The following LPP variants were observed in gnomAD, a reference collection of about 807,000 sequenced individuals.
The protein encoded by LPP is lipoma-preferred partner.
A neutral mutation model predicts 60.4 loss-of-function variants in LPP; 38 were observed. The observed-to-expected ratio is 0.63, with a 90% CI of 0.49 to 0.83. The LOEUF is 0.83. Ranked by LOEUF, LPP falls within the 40% of genes least tolerant of loss-of-function variation. The pLI is 0.00. For missense variants in LPP, 902 were observed against 783.6 expected (o/e 1.15, Z -1.80); for synonymous variants, 328 against 290.8 (o/e 1.13, Z -1.30).
chr3:188,315,304 G>A (rs1382710078), intron 2 of LPP, among the ~76,000 whole-genome samples: 1 of 152,016 alleles, frequency 6.6e-6, no homozygotes, highest in Non-Finnish European at 1.5e-5. Context: ...TCTGGCTAAA[G>A]CATCAGAGTT....
Position 188,718,338 on chromosome 3 carries a change from G to A in LPP, c.1240+9945G>A, listed in dbSNP as rs146036097. 6.4e-3 allele frequency among the ~76,000 whole-genome samples: 970 copies of A among 152,296 alleles called. 5 individuals are homozygous for A. The highest frequency in any genetic ancestry group is 0.024 in the Middle Eastern group (7 of 294). ...TCCGATGGCATGAAGAGGAATGGCA[G>A]GGCTGTTTACAAAGGTGCAGACATA... On this transcript the variant is annotated intron_variant, in intron 8 of 11. Coordinates refer to ENST00000617246, the MANE Select transcript of LPP (RefSeq NM_001375462.1).
At position 188,682,310 on chromosome 3, in the gene LPP, C is replaced by A. The variant is rs541569069; in HGVS notation, c.1114-25957C>A. Reference sequence around the variant, plus strand: ...CATATGCAAGAAATTACTGACTTTTCAATCCAATGGTAACACAGATTGTGT... The same window carrying A: ...CATATGCAAGAAATTACTGACTTTTAAATCCAATGGTAACACAGATTGTGT... On this transcript the variant is annotated intron_variant, in intron 7 of 11. Transcript: ENST00000617246. 3.9e-5 allele frequency among the ~76,000 whole-genome samples: 6 copies of A among 152,334 alleles called. No individual in the cohort carries two copies. In the South Asian group the frequency reaches 1.2e-3, roughly 32 times the overall value.
At position 188,875,304 on chromosome 3, in the gene LPP, A is replaced by G. The variant is rs1231719986; in HGVS notation, c.*825A>G. On this transcript the variant is annotated 3_prime_UTR_variant, in exon 12 of 12. Coordinates refer to ENST00000617246, the MANE Select transcript of LPP (RefSeq NM_001375462.1). ...TTTTTCTTTTCCGCACTACCTGAAC[A>G]TTGTAATACAGACAAACTTGATTTC... is the stretch of plus-strand genomic sequence containing the variant. The G allele has an allele frequency of 1.8e-5, 4 of 218,716 alleles. No homozygotes were observed. Among genetic ancestry groups the G allele is most frequent in the African/African-American group, 9.0e-5 (4 of 44,534 alleles). 13.5% of individuals were successfully genotyped at this position (218,716 alleles called of 1,614,324 possible).
intron 2 of LPP, among the ~76,000 whole-genome samples, chr3:188,258,002 A>G (rs1732233602): frequency 6.6e-6 from 1 of 152,222 alleles, no homozygotes; most frequent in South Asian, 2.1e-4. Context: ...GTGATAAGTA[A>G]AACCAGCGCT....
In LPP at chr3:188,736,673, A is replaced by T. The variant is rs190016925; in HGVS notation, c.1241-23440A>T. On this transcript the variant is annotated intron_variant, in intron 8 of 11. Transcript: ENST00000617246. ...GGATGGATGGATGGATAAATATCAG[A>T]TGGATGGATGGATGGATGGATGGAT... Among the ~76,000 whole-genome samples the T allele has an allele frequency of 1.0e-3, 153 of 151,816 alleles. 1 individual carries two copies. The highest frequency in any genetic ancestry group is 3.6e-3 in the African/African-American group (151 of 41,474).
chr3:188,314,382 A>G (rs1486905634), intron 2 of LPP, among the ~76,000 whole-genome samples: 2 of 152,128 alleles, frequency 1.3e-5, no homozygotes, highest in Non-Finnish European at 2.9e-5. Flanking sequence ...TATATTCTAA[A>G]AAAATTTTAT....
chr3:188,282,723 C>T (rs1742537606), intron 2 of LPP, among the ~76,000 whole-genome samples: 2 of 152,200 alleles, frequency 1.3e-5, no homozygotes, highest in East Asian at 1.9e-4. Flanking sequence ...CTCTGCCAGG[C>T]AGCATCCTTC....
intron 9 of LPP, among the ~76,000 whole-genome samples, chr3:188,780,160 G>A (rs576131012): frequency 6.6e-6 from 1 of 152,186 alleles, no homozygotes; most frequent in Admixed American, 6.5e-5. Flanking sequence ...AGAAGGGAGA[G>A]TTCCGACGAG....
chr3:188,783,256 A>C (rs1740401453), intron 9 of LPP, among the ~76,000 whole-genome samples: 1 of 152,148 alleles, frequency 6.6e-6, no homozygotes, highest in Non-Finnish European at 1.5e-5. Flanking sequence ...TGGATATTAG[A>C]AATGCTGTCT....
Position 188,882,445 on chromosome 3 carries a change from C to T in LPP, c.*7966C>T. 1 of 226,990 alleles carries T rather than the reference C, an allele frequency of 4.4e-6. No homozygotes were observed. Among genetic ancestry groups the T allele is most frequent in the African/African-American group, 2.2e-5 (1 of 45,122 alleles). The allele number at this position is 226,990 out of a possible 1,614,324, so 14.1% of individuals were successfully genotyped here. On this transcript the variant is annotated 3_prime_UTR_variant, in exon 12 of 12. Coordinates refer to ENST00000617246, the MANE Select transcript of LPP (RefSeq NM_001375462.1). Reference sequence around the variant, plus strand: ...GGAAGTATTTACTTGCTTTTCCCATCTCTTTATAATTGGAAGAGAAGATGA... The same window carrying T: ...GGAAGTATTTACTTGCTTTTCCCATTTCTTTATAATTGGAAGAGAAGATGA...
At chr3:188,737,958 T>C (rs1723095791) in intron 8 of LPP, among the ~76,000 whole-genome samples, 2 of 152,214 alleles carry the variant, frequency 1.3e-5, no homozygotes, top group South Asian at 4.1e-4. Flanking sequence ...CAACATGCTA[T>C]CATATGCTTT....
intron 2 of LPP, among the ~76,000 whole-genome samples, chr3:188,294,354 A>G (rs1747125418): frequency 6.6e-6 from 1 of 152,230 alleles, no homozygotes; most frequent in South Asian, 2.1e-4. Context: ...TATCTCAATA[A>G]ACCTGTTTTA....
intron 1 of LPP, chr3:188,213,168 A>C (rs551041041): frequency 6.6e-6 from 1 of 152,174 alleles, no homozygotes; most frequent in East Asian, 1.9e-4. Context: ...ATGTCTGTGG[A>C]CATGTAGGGA....
At position 188,361,712 on chromosome 3, in the gene LPP, G is replaced by A. The variant is rs936951573; in HGVS notation, c.-10+19993G>A. ...CTCCCAAGTAGCTGGGATTACAGGC[G>A]CCCTGCCACCACACCAGGATAATTT... On this transcript the variant is annotated intron_variant, in intron 3 of 11. Coordinates refer to ENST00000617246, the MANE Select transcript of LPP (RefSeq NM_001375462.1). Among the ~76,000 whole-genome samples the A allele has an allele frequency of 5.3e-5, 8 of 151,934 alleles. 1 individual carries two copies. The South Asian group carries it at 1.2e-3, about 24-fold the overall frequency.
chr3:188,160,003 C>A (rs1176340698), intron 1 of LPP, among the ~76,000 whole-genome samples: 2 of 152,312 alleles, frequency 1.3e-5, no homozygotes, highest in East Asian at 3.9e-4. Flanking sequence ...ACCTCCACCC[C>A]CTGGGTTCAA....
intron 9 of LPP, among the ~76,000 whole-genome samples, chr3:188,808,383 C>T (rs1232641423): frequency 6.6e-6 from 1 of 152,096 alleles, no homozygotes; most frequent in African/African-American, 2.4e-5. Flanking sequence ...TTTAGAGAGG[C>T]AGTGTGGCTG....
Position 188,609,442 on chromosome 3 carries a change from C to G in LPP, c.711C>G (p.Ala237=), listed in dbSNP as rs536302829. ...AGCCCAGCCCTCATTATATGGCTGC[C>G]CCTTCATCAGGACAAATTTATGGCT... The part of the protein sequence containing the change: ...SAQPSPHYMA[A]PSSGQIYGSG... The change falls in exon 7 of 12, where the codon GCC becomes GCG. Residue 237 remains alanine (A), a synonymous_variant. Transcript: ENST00000617246. The surrounding 1 kb of genome is among the most constrained non-coding windows in gnomAD (Gnocchi z 6.9). 1 of 1,614,152 alleles carries G rather than the reference C, an allele frequency of 6.2e-7. No homozygotes were observed. Among genetic ancestry groups the G allele is most frequent in the East Asian group, 2.2e-5 (1 of 44,864 alleles).
At chr3:188,542,205 A>G (rs1387498707) in intron 6 of LPP, among the ~76,000 whole-genome samples, 3 of 152,206 alleles carry the variant, frequency 2.0e-5, no homozygotes, top group Non-Finnish European at 2.9e-5. Flanking sequence ...TTCTTTGTCC[A>G]TGATATTAAT....
chr3:188,656,910 G>A (rs1853343486), intron 7 of LPP, among the ~76,000 whole-genome samples: 1 of 152,106 alleles, frequency 6.6e-6, no homozygotes, highest in South Asian at 2.1e-4. Flanking sequence ...ATTATGAAGT[G>A]AGAATTCAAG....
Sources: allele counts gnomAD v4.1 joint callset (sites outside exome capture counted in the v4.1 genomes callset), GRCh38; gene constraint gnomAD v4.1.1; non-coding constraint Gnocchi (gnomAD v3.1); transcripts MANE v1.5; gene names NCBI Gene and HGNC (gene_info 2026-07-23, HGNC 2026-07-21).